Variants in ENO2 observed in about 807,000 individuals in gnomAD.
The protein encoded by ENO2 is gamma-enolase.
A neutral mutation model predicts 48.7 loss-of-function variants in ENO2; 19 were observed. The ratio of observed to expected loss-of-function variants is 0.39; its 90% CI spans 0.27 to 0.57. ENO2 has a LOEUF of 0.57. ENO2 is among the 20% of genes least tolerant of loss of function. The pLI, the probability that ENO2 is intolerant of heterozygous loss-of-function variation, is 0.58. For synonymous variants in ENO2, 198 were observed against 213.4 expected (o/e 0.93, Z 0.63); for missense variants, 416 against 555.0 (o/e 0.75, Z 2.52).
Position 6,917,842 on chromosome 12 carries a change from G to A in ENO2, c.445-98G>A. On this transcript the variant is annotated intron_variant, in intron 6 of 11. Coordinates refer to ENST00000229277, the MANE Select transcript of ENO2 (RefSeq NM_001975.3). ...AGGAAGGATGGGGACGTGAGACTTA[G>A]TCCGGAAAGCTGGGGGAAGTTTGGG... 11 of 1,584,696 alleles carry A rather than the reference G, an allele frequency of 6.9e-6. No individual in the cohort carries two copies. The South Asian group carries it at 1.0e-4, about 15-fold the overall frequency.
At position 6,916,518 on chromosome 12, in the gene ENO2, G is replaced by T. The variant is rs1233808192; in HGVS notation, c.181+6G>T. The T allele has an allele frequency of 1.9e-6, 3 of 1,613,834 alleles. No individual in the cohort carries two copies. Among genetic ancestry groups the T allele is most frequent in the Non-Finnish European group, 1.7e-6 (2 of 1,179,928 alleles). On this transcript the variant is annotated splice_donor_region_variant and intron_variant, in intron 3 of 11. Coordinates refer to ENST00000229277, the MANE Select transcript of ENO2 (RefSeq NM_001975.3). This position sits in a 1 kb window ranked among gnomAD's most constrained non-coding sequence, Gnocchi z 4.5. ...ACAGCGTTACTTAGGCAAAGGTGAG[G>T]TCCCTTCTCTTTTCCAGACTCTCCC...
rs144225408 is a variant in ENO2, at chr12:6,918,590, C to T, written c.667+428C>T. 5.9e-3 allele frequency among the ~76,000 whole-genome samples: 898 copies of T among 151,400 alleles called. 5 individuals carry two copies. Among genetic ancestry groups the T allele is most frequent in the Middle Eastern group, 0.01 (3 of 294 alleles). On this transcript the variant is annotated intron_variant, in intron 7 of 11. Transcript: ENST00000229277. The stretch of plus-strand genomic sequence containing the variant: ...TCCTGACCTTGTGATCGGCCCGCCT[C>T]GGCCTCCCAAAGTGCTGGGATTACA...
In ENO2 at chr12:6,916,642, G is replaced by A. The variant is rs372239487; in HGVS notation, c.182-29G>A. On this transcript the variant is annotated intron_variant, in intron 3 of 11. Coordinates refer to ENST00000229277, the MANE Select transcript of ENO2 (RefSeq NM_001975.3). This position sits in a 1 kb window ranked among gnomAD's most constrained non-coding sequence, Gnocchi z 4.5. The stretch of plus-strand genomic sequence containing the variant: ...GATCCCTTCCGGCCCCTCCTGGCCC[G>A]ACCCAGTCCAGCCTCTTCCTTTCCC... 6.8e-6 allele frequency: 11 copies of A among 1,613,788 alleles called. No individual in the cohort carries two copies. The East Asian group carries it at 8.9e-5, about 13-fold the overall frequency.
rs1273898719 is a variant in ENO2, at chr12:6,923,085, G to A, written c.*285G>A. 4 of 400,212 alleles carry A rather than the reference G, an allele frequency of 1.0e-5. No individual in the cohort carries two copies. Among genetic ancestry groups the A allele is most frequent in the Non-Finnish European group, 1.9e-5 (4 of 212,392 alleles). The allele number at this position is 400,212 out of a possible 1,614,324, so 24.8% of individuals were successfully genotyped here. A position where few individuals can be genotyped will look rare whatever the true frequency, so the allele number is the denominator to read the frequency against. On this transcript the variant is annotated 3_prime_UTR_variant, in exon 12 of 12. Transcript: ENST00000229277. ...TGTGAATGAGGATTATTATAAAAGG[G>A]GGTCCGTGGAAGAATGATCAGCATC...
chr12:6,923,025 C>CCTTTCT lies in ENO2; in HGVS notation c.*234_*239dup, dbSNP rs1430910984. The CCTTTCT allele has an allele frequency of 1.7e-5, 9 of 528,222 alleles. No homozygotes were observed. The highest frequency in any genetic ancestry group is 2.7e-5 in the Non-Finnish European group (8 of 291,920). The allele number at this position is 528,222 out of a possible 1,614,324, so 32.7% of individuals were successfully genotyped here. ...TGGGGTTCCGCACTTTCCACTTCTTCCTTTCTCTTTCTCTCTTCCCTCAGA... is the reference window on the plus strand; with the variant it reads ...TGGGGTTCCGCACTTTCCACTTCTTCCTTTCTCTTTCTCTTTCTCTCTTCCCTCAGA... On this transcript the variant is annotated 3_prime_UTR_variant, in exon 12 of 12. Transcript: ENST00000229277.
chr12:6,922,806 C>G lies in ENO2; in HGVS notation c.*6C>G, dbSNP rs781788959. 3.1e-6 allele frequency: 5 copies of G among 1,613,824 alleles called. No homozygotes were observed. The African/African-American group carries it at 6.7e-5, about 22-fold the overall frequency. ...GTAATCCCAGTGTGCTGTGATTCCT[C>G]TGCTTGCCTGGAGACGTGGAACCTC... On this transcript the variant is annotated 3_prime_UTR_variant, in exon 12 of 12. Coordinates refer to ENST00000229277, the MANE Select transcript of ENO2 (RefSeq NM_001975.3). This position sits in a 1 kb window ranked among gnomAD's most constrained non-coding sequence, Gnocchi z 5.3.
Position 6,917,327 on chromosome 12 carries a change from T to C in ENO2, c.310+220T>C, listed in dbSNP as rs1173255359. On this transcript the variant is annotated intron_variant, in intron 5 of 11. Transcript: ENST00000229277. ...CTTTGCAGCATACAGAGGAGGGGGA[T>C]GGCCTGAGAGAGTCTGTGGTCTCAG... The C allele has an allele frequency of 4.2e-6, 3 of 707,384 alleles. No homozygotes were observed. In the South Asian group the frequency reaches 5.7e-5, roughly 13 times the overall value. The allele number at this position is 707,384 out of a possible 1,614,324, so 43.8% of individuals were successfully genotyped here.
chr12:6,919,756 C>T lies in ENO2; in HGVS notation c.858C>T (p.Asp286=). 1 of 1,613,678 alleles carries T rather than the reference C, an allele frequency of 6.2e-7. No homozygotes were observed. The highest frequency in any genetic ancestry group is 1.1e-5 in the South Asian group (1 of 91,038). The change falls in exon 8 of 12, where the codon GAC becomes GAT. Residue 286 remains aspartate (D), a synonymous_variant. Coordinates refer to ENST00000229277, the MANE Select transcript of ENO2 (RefSeq NM_001975.3). ...CACTCTACCAGGACTTTGTCAGGGA[C>T]TATCCTGGTGAGAGGAAGTGGTGTG... ...LGALYQDFVR[D]YPVVSIEDPF... is the part of the protein sequence containing the mutation.
chr12:6,917,408 C>A (rs957694737), intron 5 of ENO2, 173 bp from the exon 6 acceptor site: 39 of 911,198 alleles, frequency 4.3e-5, no homozygotes, highest in Non-Finnish European at 6.0e-5. Context: ...CCTCCCCACC[C>A]ATTCCTCTCC....
chr12:6,923,147 T>TA lies in ENO2; in HGVS notation c.*348dup. On this transcript the variant is annotated 3_prime_UTR_variant, in exon 12 of 12. Transcript: ENST00000229277. The stretch of plus-strand genomic sequence containing the variant: ...CGTCAGGGTTGGTGTGCTGAGGTGT[T>TA]AGAGAGGGACCATGTGTCACTTGTG... 1 of 306,102 alleles carries TA rather than the reference T, an allele frequency of 3.3e-6. No individual in the cohort carries two copies. Among genetic ancestry groups the TA allele is most frequent in the South Asian group, 3.4e-5 (1 of 29,032 alleles). The allele number at this position is 306,102 out of a possible 1,614,324, so 19.0% of individuals were successfully genotyped here.
chr12:6,919,758 A>G lies in ENO2; in HGVS notation c.860A>G (p.Tyr287Cys), dbSNP rs1945323350. 6.2e-7 allele frequency: 1 copy of G among 1,613,434 alleles called. No homozygotes were observed. The highest frequency in any genetic ancestry group is 1.3e-5 in the African/African-American group (1 of 74,866). Residue 287 changes from tyrosine (Y) to cysteine (C), a missense_variant, in exon 8 of 12, where the codon TAT becomes TGT. Transcript: ENST00000229277. Reference protein sequence around the residue: ...GALYQDFVRDYPVVSIEDPFD... With the variant: ...GALYQDFVRDCPVVSIEDPFD... ...CTCTACCAGGACTTTGTCAGGGACT[A>G]TCCTGGTGAGAGGAAGTGGTGTGAG...
Position 6,922,828 on chromosome 12 carries a change from CCT to C in ENO2, c.*31_*32del, listed in dbSNP as rs1945353790. The C allele has an allele frequency of 1.9e-6, 3 of 1,611,178 alleles. No individual in the cohort carries two copies. The highest frequency in any genetic ancestry group is 2.5e-6 in the Non-Finnish European group (3 of 1,177,700). ...CCTCTGCTTGCCTGGAGACGTGGAACCTCTGTCTCATCCTCCTGGAACCTTGC... is the reference window on the plus strand; with the variant it reads ...CCTCTGCTTGCCTGGAGACGTGGAACCTGTCTCATCCTCCTGGAACCTTGC... On this transcript the variant is annotated 3_prime_UTR_variant, in exon 12 of 12. Coordinates refer to ENST00000229277, the MANE Select transcript of ENO2 (RefSeq NM_001975.3). This position sits in a 1 kb window ranked among gnomAD's most constrained non-coding sequence, Gnocchi z 5.3.
At chr12:6,919,367 A>G (rs1319727775) in intron 7 of ENO2, among the ~76,000 whole-genome samples, 199 bp from the exon 8 acceptor site, 1 of 152,200 alleles carries the variant, frequency 6.6e-6, no homozygotes, top group African/African-American at 2.4e-5. Context: ...TATAGTAAGT[A>G]TTATTAAGAG....
chr12:6,920,372 TG>T (rs147356894), intron 8 of ENO2, among the ~76,000 whole-genome samples: 34,627 of 82,338 alleles, frequency 0.42, 3,336 homozygotes, highest in Middle Eastern at 0.49. Flanking sequence ...AGATTTTTTT[TG>T]GGGGGGGGGT....
intron 1 of ENO2, 84 bp from the exon 2 acceptor site, chr12:6,915,737 C>G (rs782369769): frequency 1.2e-6 from 1 of 841,868 alleles, no homozygotes; most frequent in African/African-American, 1.7e-5. Flanking sequence ...CCATCCCTCC[C>G]AGCCTCCCGC....
At chr12:6,917,888 G>A (rs782612287) in intron 6 of ENO2, 52 bp from the exon 7 acceptor site, 3 of 1,604,396 alleles carry the variant, frequency 1.9e-6, no homozygotes, top group Non-Finnish European at 2.6e-6. Flanking sequence ...AACACTCCTG[G>A]GGCGGGCAGG....
chr12:6,916,918 C>T lies in ENO2; in HGVS notation c.241-120C>T, dbSNP rs986993707. 6.1e-6 allele frequency: 9 copies of T among 1,469,680 alleles called. No individual in the cohort carries two copies. Among genetic ancestry groups the T allele is most frequent in the Middle Eastern group, 1.8e-4 (1 of 5,598 alleles). The allele number at this position is 1,469,680 out of a possible 1,614,324, so 91.0% of individuals were successfully genotyped here. A position where few individuals can be genotyped will look rare whatever the true frequency, so the allele number is the denominator to read the frequency against. On this transcript the variant is annotated intron_variant, in intron 4 of 11. Coordinates refer to ENST00000229277, the MANE Select transcript of ENO2 (RefSeq NM_001975.3). The surrounding 1 kb of genome is among the most constrained non-coding windows in gnomAD (Gnocchi z 4.5). Reference sequence around the variant, plus strand: ...TCAGGTCCCCTAATCCAGGTAGGCCCCTGTCACAGGGACCTGGTTGGACCC... The same window carrying T: ...TCAGGTCCCCTAATCCAGGTAGGCCTCTGTCACAGGGACCTGGTTGGACCC...
intron 1 of ENO2, chr12:6,915,071 C>G (rs536854397): frequency 2.0e-5 from 3 of 152,720 alleles, no homozygotes; most frequent in Admixed American, 1.3e-4. Context: ...CTCTCCTGCT[C>G]TTCCCCACGG....
At chr12:6,918,704 G>A (rs994789051) in intron 7 of ENO2, among the ~76,000 whole-genome samples, 4 of 151,026 alleles carry the variant, frequency 2.6e-5, no homozygotes, top group African/African-American at 4.8e-5. Flanking sequence ...CTGGAAGGCC[G>A]GGCGCGGTGG....
Sources: allele counts gnomAD v4.1 joint callset (sites outside exome capture counted in the v4.1 genomes callset), GRCh38; gene constraint gnomAD v4.1.1; non-coding constraint Gnocchi (gnomAD v3.1); transcripts MANE v1.5; gene names NCBI Gene and HGNC (gene_info 2026-07-23, HGNC 2026-07-21).